The following PLAG1 variants were observed in gnomAD, a reference collection of about 807,000 sequenced individuals.
The protein encoded by PLAG1 is zinc finger protein PLAG1.
PLAG1 carries 7 observed loss-of-function variants against 35.5 expected under a neutral mutation model. The observed-to-expected ratio is 0.20, with a 90% confidence interval of 0.11 to 0.37. The LOEUF is 0.37. PLAG1 is among the 10% of genes least tolerant of loss of function. The pLI is 1.00. For synonymous variants in PLAG1, 229 were observed against 225.4 expected, an observed-to-expected ratio of 1.02 and a Z score of -0.14; for missense variants, 454 against 602.8, an observed-to-expected ratio of 0.75 and a Z score of 2.58.
intron 1 of PLAG1, among the ~76,000 whole-genome samples, chr8:56,186,787 G>A (rs756477108): frequency 2.0e-5 from 3 of 151,896 alleles, no homozygotes; most frequent in African/African-American, 4.8e-5. Context: ...CGCGATCTTA[G>A]CTCATTGCAA....
At chr8:56,188,996 G>A (rs1024318190) in intron 1 of PLAG1, among the ~76,000 whole-genome samples, 17 of 152,160 alleles carry the variant, frequency 1.1e-4, no homozygotes, top group African/African-American at 4.1e-4. Flanking sequence ...TCTTCCACTG[G>A]GTCCCAGTGA....
chr8:56,205,035 C>G (rs1812659854), intron 1 of PLAG1, among the ~76,000 whole-genome samples: 1 of 151,822 alleles, frequency 6.6e-6, no homozygotes, highest in Non-Finnish European at 1.5e-5. Flanking sequence ...CAGCATAGAC[C>G]TAAAAACATA....
At chr8:56,178,827 C>T (rs1327025295) in intron 2 of PLAG1, among the ~76,000 whole-genome samples, 2 of 151,954 alleles carry the variant, frequency 1.3e-5, no homozygotes, top group African/African-American at 4.8e-5. Context: ...AGTATTGCTA[C>T]ACCTTGATTC....
At chr8:56,172,632 C>T (rs1811566443) in intron 2 of PLAG1, among the ~76,000 whole-genome samples, 1 of 152,022 alleles carries the variant, frequency 6.6e-6, no homozygotes, top group Admixed American at 6.6e-5. Context: ...ATGTGTTTAC[C>T]ATCATTGCCA....
At chr8:56,199,398 G>T (rs1030590390) in intron 1 of PLAG1, among the ~76,000 whole-genome samples, 1 of 152,112 alleles carries the variant, frequency 6.6e-6, no homozygotes, top group Non-Finnish European at 1.5e-5. Flanking sequence ...GAAGGGGCAG[G>T]ATAGCTAAAG....
At position 56,164,572 on chromosome 8, in the gene PLAG1, A is replaced by T; in HGVS notation, c.*1671T>A. On this transcript the variant is annotated 3_prime_UTR_variant, in exon 5 of 5. Transcript: ENST00000316981. The stretch of plus-strand genomic sequence containing the variant: ...AATATTTTTCTTTCTGTTTTTTTTT[A>T]AAGAGATATATACTCTTCTAAAAAC... 58 of 213,812 alleles carry T rather than the reference A, an allele frequency of 2.7e-4. No homozygotes were observed. The highest frequency in any genetic ancestry group is 4.8e-4 in the East Asian group (7 of 14,442). 13.2% of individuals were successfully genotyped at this position (213,812 alleles called of 1,614,324 possible).
In PLAG1 at chr8:56,165,018, G is replaced by A. The variant is rs73594274; in HGVS notation, c.*1225C>T. ...CATCCAAAATATTGCAAGGAAAGATGGATTCACATTGAATCAGAAAGATAA... is the reference window on the plus strand; with the variant it reads ...CATCCAAAATATTGCAAGGAAAGATAGATTCACATTGAATCAGAAAGATAA... On this transcript the variant is annotated 3_prime_UTR_variant, in exon 5 of 5. Coordinates refer to ENST00000316981, the MANE Select transcript of PLAG1 (RefSeq NM_002655.3). 5,429 of 206,740 alleles carry A rather than the reference G, an allele frequency of 0.026. 108 individuals carry two copies. Among genetic ancestry groups the A allele is most frequent in the African/African-American group, 0.053 (2,343 of 43,982 alleles). The allele number at this position is 206,740 out of a possible 1,614,324, so 12.8% of individuals were successfully genotyped here.
intron 1 of PLAG1, among the ~76,000 whole-genome samples, chr8:56,208,147 C>T (rs1812748786): frequency 6.6e-6 from 1 of 152,034 alleles, no homozygotes; most frequent in South Asian, 2.1e-4. Flanking sequence ...ATCTAAGTCT[C>T]ATTTATTTTA....
intron 1 of PLAG1, among the ~76,000 whole-genome samples, chr8:56,187,987 G>C (rs961519296): frequency 3.9e-5 from 6 of 152,152 alleles, no homozygotes; most frequent in Admixed American, 6.5e-5. Flanking sequence ...GCAATGGACT[G>C]ACCCCTGTTT....
In PLAG1 at chr8:56,167,277, G is replaced by T. The variant is rs574718083; in HGVS notation, c.469C>A (p.Gln157Lys). ...AGCACTCCCGTGCTTTCAAAAGTTT[G>T]CAAACATACCTTACAGGTGAGGTCA... ...SGDLTCKVCL[Q>K]TFESTGVLLE... The change falls in exon 5 of 5, where the codon CAA (glutamine) becomes AAA (lysine). Residue 157 changes from glutamine to lysine, a missense_variant. Gln to Lys is a moderately conservative substitution (Grantham distance 53, BLOSUM62 1). Around this residue, in one of 4 missense-constraint regions of PLAG1, gnomAD observed 170 missense variants for 226.3 expected, o/e 0.75. Transcript: ENST00000316981. This position sits in a 1 kb window ranked among gnomAD's most constrained non-coding sequence, Gnocchi z 5.9. 1.1e-5 allele frequency: 18 copies of T among 1,614,020 alleles called. No homozygotes were observed. The East Asian group carries it at 3.8e-4, about 34-fold the overall frequency.
rs1330988988 is a variant in PLAG1 at position 56,163,526 on chromosome 8, T to C, written c.*2717A>G. ...AGCTGAATTCCCTCTTACTCTGAAG[T>C]GTTATTTCAAGTCTGGGGGTGGGAA... On this transcript the variant is annotated 3_prime_UTR_variant, in exon 5 of 5. Coordinates refer to ENST00000316981, the MANE Select transcript of PLAG1 (RefSeq NM_002655.3). The C allele has an allele frequency of 5.0e-6, 1 of 200,464 alleles. No homozygotes were observed. The allele number at this position is 200,464 out of a possible 1,614,324, so 12.4% of individuals were successfully genotyped here. A position where few individuals can be genotyped will look rare whatever the true frequency, so the allele number is the denominator to read the frequency against.
rs1563368239 is a variant in PLAG1 at position 56,161,542 on chromosome 8, T to A, written c.*4701A>T. 1 of 228,414 alleles carries A rather than the reference T, an allele frequency of 4.4e-6. No individual in the cohort carries two copies. Among genetic ancestry groups the A allele is most frequent in the East Asian group, 6.2e-5 (1 of 16,018 alleles). 14.1% of individuals were successfully genotyped at this position (228,414 alleles called of 1,614,324 possible). ...CCCTATTATAAAGCCCACTTTCCATTCTGAGTTACAGTCACCTTGTGGACA... is the reference window on the plus strand; with the variant it reads ...CCCTATTATAAAGCCCACTTTCCATACTGAGTTACAGTCACCTTGTGGACA... On this transcript the variant is annotated 3_prime_UTR_variant, in exon 5 of 5. Coordinates refer to ENST00000316981, the MANE Select transcript of PLAG1 (RefSeq NM_002655.3).
rs905899253 is a variant in PLAG1 at position 56,164,823 on chromosome 8, G to A, written c.*1420C>T. The A allele has an allele frequency of 4.7e-6, 1 of 211,022 alleles. No homozygotes were observed. Among genetic ancestry groups the A allele is most frequent in the East Asian group, 7.2e-5 (1 of 13,972 alleles). The allele number at this position is 211,022 out of a possible 1,614,324, so 13.1% of individuals were successfully genotyped here. ...GTTATTTTCATGTTAACCAAGATAG[G>A]TTTGTTTTACTTTACTTTGTTACCC... On this transcript the variant is annotated 3_prime_UTR_variant, in exon 5 of 5. Coordinates refer to ENST00000316981, the MANE Select transcript of PLAG1 (RefSeq NM_002655.3).
Position 56,196,951 on chromosome 8 carries a change from C to CGTGTGTGTGT in PLAG1, c.-322+14160_-322+14169dup, listed in dbSNP as rs10534078. Reference sequence around the variant, plus strand: ...AGGCACCCTCTCCCTCCCTAGTGTGCGTGTGTGTGTGTGTGTGTGTGTGTG... The same window carrying CGTGTGTGTGT: ...AGGCACCCTCTCCCTCCCTAGTGTGCGTGTGTGTGTGTGTGTGTGTGTGTGTGTGTGTGTG... On this transcript the variant is annotated intron_variant, in intron 1 of 4. Transcript: ENST00000316981. Among the ~76,000 whole-genome samples, 1,125 of 143,014 alleles carry CGTGTGTGTGT rather than the reference C, an allele frequency of 7.9e-3. 11 individuals carry two copies. Among genetic ancestry groups the CGTGTGTGTGT allele is most frequent in the African/African-American group, 0.025 (946 of 37,420 alleles). The allele number at this position is 143,014 out of a possible 152,430, so 93.8% of individuals were successfully genotyped here.
intron 1 of PLAG1, among the ~76,000 whole-genome samples, chr8:56,194,576 G>GGT (rs796716146): frequency 0.012 from 1,761 of 149,366 alleles, 32 homozygotes; most frequent in African/African-American, 0.037. Flanking sequence ...CTCAGCACTG[G>GGT]GTGTGTGTGT....
Position 56,166,111 on chromosome 8 carries a change from T to C in PLAG1, c.*132A>G. ...TTAAAAGCTAGTTTCTATTTTATACTGGCTTAATGAAAATTTGTATTATAC... is the reference window on the plus strand; with the variant it reads ...TTAAAAGCTAGTTTCTATTTTATACCGGCTTAATGAAAATTTGTATTATAC... On this transcript the variant is annotated 3_prime_UTR_variant, in exon 5 of 5. Coordinates refer to ENST00000316981, the MANE Select transcript of PLAG1 (RefSeq NM_002655.3). 1.7e-6 allele frequency: 1 copy of C among 587,336 alleles called. No individual in the cohort carries two copies. Among genetic ancestry groups the C allele is most frequent in the East Asian group, 2.7e-5 (1 of 36,684 alleles). 36.4% of individuals were successfully genotyped at this position (587,336 alleles called of 1,614,324 possible).
chr8:56,209,878 G>T (rs1384410165), intron 1 of PLAG1, among the ~76,000 whole-genome samples: 1 of 152,092 alleles, frequency 6.6e-6, no homozygotes, highest in African/African-American at 2.4e-5. Flanking sequence ...AGCCGGAAAG[G>T]TTCATTCTTC....
At chr8:56,180,439 A>G (rs1356722601) in intron 1 of PLAG1, among the ~76,000 whole-genome samples, 2 of 152,054 alleles carry the variant, frequency 1.3e-5, no homozygotes, top group Non-Finnish European at 2.9e-5. Flanking sequence ...CAGAATATAT[A>G]CCTTTTGTCG....
chr8:56,178,048 T>C (rs1563379342), intron 2 of PLAG1: 1 of 970,142 alleles, frequency 1.0e-6, no homozygotes, highest in East Asian at 1.1e-4. Flanking sequence ...TTAAATGTCC[T>C]GTTCCATAGC....
Sources: allele counts gnomAD v4.1 joint callset (sites outside exome capture counted in the v4.1 genomes callset), GRCh38; gene constraint gnomAD v4.1.1; regional missense constraint gnomAD v4.1.1; non-coding constraint Gnocchi (gnomAD v3.1); transcripts MANE v1.5; gene names NCBI Gene and HGNC (gene_info 2026-07-23, HGNC 2026-07-21).